EHBP1: variants seen among roughly 807,000 people sequenced by gnomAD.
The protein encoded by EHBP1 is EH domain-binding protein 1.
A neutral mutation model predicts 144.0 loss-of-function variants in EHBP1; 55 were observed. The observed-to-expected ratio is 0.38, with a 90% confidence interval of 0.31 to 0.48. The LOEUF is 0.48. EHBP1 is among the 20% of genes least tolerant of loss of function. EHBP1 has a pLI of 0.98. For missense variants in EHBP1, 1,200 were observed against 1,364.2 expected, an observed-to-expected ratio of 0.88 and a Z score of 1.90; for synonymous variants, 469 against 472.7, an observed-to-expected ratio of 0.99 and a Z score of 0.10.
intron 3 of EHBP1, among the ~76,000 whole-genome samples, chr2:62,752,930 A>C (rs1458953704): frequency 2.6e-5 from 4 of 152,138 alleles, no homozygotes. Context: ...AATACAGCGC[A>C]CTGATGGGTC....
At chr2:62,877,821 C>T (rs1378674873) in intron 10 of EHBP1, among the ~76,000 whole-genome samples, 1 of 152,170 alleles carries the variant, frequency 6.6e-6, no homozygotes, top group Admixed American at 6.5e-5. Flanking sequence ...CTCTGGGACA[C>T]AGCTAAAGCA....
chr2:62,984,953 T>C (rs1179773588), intron 15 of EHBP1, among the ~76,000 whole-genome samples: 1 of 152,118 alleles, frequency 6.6e-6, no homozygotes, highest in African/African-American at 2.4e-5. Context: ...ATTTCCAGAC[T>C]TACCTATTTT....
At chr2:63,040,971 TTA>T (rs1403128241) in intron 21 of EHBP1, among the ~76,000 whole-genome samples, 2 of 152,254 alleles carry the variant, frequency 1.3e-5, no homozygotes, top group African/African-American at 2.4e-5. Flanking sequence ...TTGCTTTCTT[TTA>T]TTTTAAAGTT....
At chr2:62,974,032 A>C (rs977286527) in intron 14 of EHBP1, among the ~76,000 whole-genome samples, 4 of 152,166 alleles carry the variant, frequency 2.6e-5, no homozygotes, top group African/African-American at 9.7e-5. Context: ...AAAAAAAGAA[A>C]TACTGATAGT....
intron 7 of EHBP1, among the ~76,000 whole-genome samples, chr2:62,838,079 CA>C (rs2047443981): frequency 6.6e-6 from 1 of 151,102 alleles, no homozygotes; most frequent in South Asian, 2.1e-4. Flanking sequence ...AAATTGACCA[CA>C]TAGTTGGAAG....
intron 5 of EHBP1, among the ~76,000 whole-genome samples, chr2:62,786,754 T>A (rs983443874): frequency 6.6e-6 from 1 of 152,240 alleles, no homozygotes; most frequent in African/African-American, 2.4e-5. Flanking sequence ...GTTATGAAGA[T>A]GCTTTAAGCC....
At chr2:62,841,849 C>T (rs1307029747) in intron 7 of EHBP1, among the ~76,000 whole-genome samples, 1 of 152,032 alleles carries the variant, frequency 6.6e-6, no homozygotes, top group African/African-American at 2.4e-5. Flanking sequence ...CTACCACTCA[C>T]CTTCTACCTT....
chr2:62,989,779 A>G (rs917901661), intron 15 of EHBP1, among the ~76,000 whole-genome samples: 1 of 151,984 alleles, frequency 6.6e-6, no homozygotes, highest in African/African-American at 2.4e-5. Flanking sequence ...TCCTTGCTTT[A>G]TTTTCCCCCC....
chr2:62,986,520 G>A (rs548631248), intron 15 of EHBP1, among the ~76,000 whole-genome samples: 4 of 146,292 alleles, frequency 2.7e-5, no homozygotes, highest in African/African-American at 1.0e-4. Context: ...TCGGCTCACT[G>A]CAATCTCCAC....
chr2:62,928,840 C>CAAAAAAA (rs760426482), intron 10 of EHBP1, among the ~76,000 whole-genome samples: 29 of 65,034 alleles, frequency 4.5e-4, no homozygotes, highest in East Asian at 8.6e-4. Context: ...AGACTAAGAA[C>CAAAAAAA]AAAAAAAAAA....
intron 13 of EHBP1, among the ~76,000 whole-genome samples, chr2:62,950,974 C>T (rs114861523): frequency 0.099 from 15,101 of 152,142 alleles, 970 homozygotes; most frequent in Non-Finnish European, 0.14. Context: ...TGTGAGCCAC[C>T]GCGCCCGGCC....
At chr2:63,011,212 C>G (rs1176483874) in intron 19 of EHBP1, among the ~76,000 whole-genome samples, 1 of 149,736 alleles carries the variant, frequency 6.7e-6, no homozygotes, top group East Asian at 2.0e-4. Context: ...AAGAAGTTTG[C>G]TTAATTCCAT....
intron 7 of EHBP1, among the ~76,000 whole-genome samples, chr2:62,841,457 A>T (rs889252114): frequency 1.3e-5 from 2 of 151,842 alleles, no homozygotes; most frequent in African/African-American, 2.4e-5. Context: ...AACCTGCACA[A>T]TGTGCACATG....
chr2:62,800,326 AC>A (rs1352677465), intron 5 of EHBP1, among the ~76,000 whole-genome samples: 8 of 152,122 alleles, frequency 5.3e-5, no homozygotes, highest in African/African-American at 1.7e-4. Context: ...CTTTAATGTT[AC>A]TTGTAACAAA....
chr2:62,853,982 G>T (rs533996143), intron 7 of EHBP1, among the ~76,000 whole-genome samples: 1 of 152,166 alleles, frequency 6.6e-6, no homozygotes, highest in Non-Finnish European at 1.5e-5. Context: ...AGGCTTTGTT[G>T]TTGCCTTTAT....
intron 16 of EHBP1, among the ~76,000 whole-genome samples, chr2:62,993,247 A>C (rs746855743): frequency 6.6e-6 from 1 of 152,126 alleles, no homozygotes. Context: ...GATGACACAG[A>C]ATAGTGGGGG....
chr2:62,945,284 T>C lies in EHBP1; in HGVS notation c.1413+1434T>C, dbSNP rs868064400. ...TGTATTTTTCAGTATAATTGATGTC[T>C]TTTGTAATTCTATGTATTTTATCCA... On this transcript the variant is annotated intron_variant, in intron 12 of 22. Coordinates refer to ENST00000431489, the MANE Select transcript of EHBP1 (RefSeq NM_001142616.3). 5.3e-5 allele frequency among the ~76,000 whole-genome samples: 8 copies of C among 152,364 alleles called. No individual in the cohort carries two copies. The South Asian group carries it at 6.2e-4, about 12-fold the overall frequency.
chr2:62,783,375 G>A (rs1346076123), intron 5 of EHBP1, among the ~76,000 whole-genome samples: 1 of 152,198 alleles, frequency 6.6e-6, no homozygotes, highest in Admixed American at 6.5e-5. Context: ...GCCCCAGTGG[G>A]GACTCTGTGT....
At chr2:63,012,338 A>T (rs2060302154) in intron 19 of EHBP1, among the ~76,000 whole-genome samples, 1 of 152,120 alleles carries the variant, frequency 6.6e-6, no homozygotes, top group African/African-American at 2.4e-5. Context: ...TTCATATACT[A>T]TATCTCACTC....
Sources: allele counts gnomAD v4.1 joint callset (sites outside exome capture counted in the v4.1 genomes callset), GRCh38; gene constraint gnomAD v4.1.1; transcripts MANE v1.5; gene names NCBI Gene and HGNC (gene_info 2026-07-23, HGNC 2026-07-21).